NR1H4: variants seen among roughly 807,000 people sequenced by gnomAD.
The protein encoded by NR1H4 is nuclear receptor subfamily 1 group H member 4, also known as bile acid receptor.
NR1H4 carries 23 observed loss-of-function variants against 58.5 expected under a neutral mutation model. The ratio of observed to expected loss-of-function variants is 0.39; its 90% CI spans 0.28 to 0.56. NR1H4 has a LOEUF of 0.56. NR1H4 is among the 20% of genes least tolerant of loss of function. The pLI is 0.58. For missense variants in NR1H4, 487 were observed against 576.9 expected, an observed-to-expected ratio of 0.84 and a Z score of 1.60; for synonymous variants, 214 against 198.0, an observed-to-expected ratio of 1.08 and a Z score of -0.68.
rs1593109819 is a variant in NR1H4, at chr12:100,536,745, A to G, written c.831+135A>G. 4.4e-6 allele frequency: 3 copies of G among 684,816 alleles called. No homozygotes were observed. In the East Asian group the frequency reaches 8.1e-5, roughly 18 times the overall value. 42.4% of individuals were successfully genotyped at this position (684,816 alleles called of 1,614,324 possible). ...GCTGAGAATTCAAGTTAGACTTTTA[A>G]ACTCTCAGCAACATTAAACAATTCA... is the stretch of plus-strand genomic sequence containing the variant. On this transcript the variant is annotated intron_variant, in intron 7 of 10. Transcript: ENST00000392986.
At chr12:100,537,642 GA>G (rs934852369) in intron 8 of NR1H4, among the ~76,000 whole-genome samples, 2 of 152,220 alleles carry the variant, frequency 1.3e-5, no homozygotes, top group African/African-American at 4.8e-5. Context: ...GAGTCTAAAA[GA>G]AAAAGAAGTT....
intron 3 of NR1H4, among the ~76,000 whole-genome samples, chr12:100,508,730 A>G (rs1202827765): frequency 6.6e-6 from 1 of 152,202 alleles, no homozygotes; most frequent in East Asian, 1.9e-4. Flanking sequence ...AATAGTAATC[A>G]TAATAATTAT....
intron 9 of NR1H4, among the ~76,000 whole-genome samples, chr12:100,548,468 T>C (rs1220074164): frequency 6.6e-6 from 1 of 152,090 alleles, no homozygotes; most frequent in Non-Finnish European, 1.5e-5. Flanking sequence ...TTCTGACTCA[T>C]GTCATCTCTC....
chr12:100,495,031 C>T (rs1211397324), intron 3 of NR1H4, among the ~76,000 whole-genome samples: 1 of 152,072 alleles, frequency 6.6e-6, no homozygotes, highest in East Asian at 1.9e-4. Context: ...ATTTCAGCAG[C>T]CATAAGGTGA....
At chr12:100,517,080 C>T (rs1220862141) in intron 4 of NR1H4, among the ~76,000 whole-genome samples, 3 of 152,096 alleles carry the variant, frequency 2.0e-5, no homozygotes, top group Admixed American at 6.5e-5. Context: ...ATACACAGTA[C>T]ATTATTATTA....
At chr12:100,503,460 T>C (rs761917707) in intron 3 of NR1H4, 1 of 1,597,378 alleles carries the variant, frequency 6.3e-7, no homozygotes. Flanking sequence ...GCCGTCAGGA[T>C]TTTTCATGGA....
rs147194228 is a variant in NR1H4, at chr12:100,527,779, G to T, written c.446-4679G>T. Among the ~76,000 whole-genome samples, 984 of 152,188 alleles carry T rather than the reference G, an allele frequency of 6.5e-3. 10 individuals carry two copies. The highest frequency in any genetic ancestry group is 0.022 in the African/African-American group (897 of 41,514). On this transcript the variant is annotated intron_variant, in intron 4 of 10. Coordinates refer to ENST00000392986, the MANE Select transcript of NR1H4 (RefSeq NM_001206979.2). ...TTTTGTCCTTGCGATCGTTTGCTGA[G>T]AATGATGGTTTCCAGCTTCATCCAT... is the stretch of plus-strand genomic sequence containing the variant.
chr12:100,517,021 TTTC>T (rs1433523098), intron 4 of NR1H4, among the ~76,000 whole-genome samples: 1 of 152,180 alleles, frequency 6.6e-6, no homozygotes, highest in Non-Finnish European at 1.5e-5. Context: ...TAATTTATCA[TTTC>T]TTCATTATGA....
At chr12:100,546,083 C>A (rs1212509829) in intron 9 of NR1H4, among the ~76,000 whole-genome samples, 2 of 152,110 alleles carry the variant, frequency 1.3e-5, no homozygotes, top group African/African-American at 4.8e-5. Flanking sequence ...CCAGTTGAGA[C>A]AAGACTGGTG....
chr12:100,552,420 T>C (rs1237170669), intron 9 of NR1H4, among the ~76,000 whole-genome samples: 1 of 152,176 alleles, frequency 6.6e-6, no homozygotes. Flanking sequence ...AGTTTAGCAG[T>C]TGAAATAGAG....
chr12:100,554,738 G>T (rs908966571), intron 9 of NR1H4, among the ~76,000 whole-genome samples: 1 of 152,126 alleles, frequency 6.6e-6, no homozygotes, highest in Non-Finnish European at 1.5e-5. Flanking sequence ...TCATTCAAGC[G>T]AAAATGAAGC....
In NR1H4 at chr12:100,510,956, T is replaced by C. The variant is rs764897584; in HGVS notation, c.258T>C (p.Tyr86=). The change falls in exon 4 of 11, where the codon TAT becomes TAC. Residue 86 remains tyrosine (Y), a synonymous_variant. Transcript: ENST00000392986. ...AAGAGTGGTACTCTCCTGGAATATA[T>C]GAACTCAGGCGTATGCCAGCTGAGA... is the stretch of plus-strand genomic sequence containing the variant. ...QPEEWYSPGI[Y]ELRRMPAETL... 59 of 1,614,128 alleles carry C rather than the reference T, an allele frequency of 3.7e-5. No homozygotes were observed. The highest frequency in any genetic ancestry group is 4.6e-5 in the Non-Finnish European group (54 of 1,180,046).
intron 9 of NR1H4, among the ~76,000 whole-genome samples, chr12:100,544,871 T>C (rs1955022827): frequency 6.6e-6 from 1 of 152,304 alleles, no homozygotes; most frequent in South Asian, 2.1e-4. Flanking sequence ...GGAACAGATA[T>C]CTTTTTTGCA....
chr12:100,524,022 G>A (rs981337002), intron 4 of NR1H4, among the ~76,000 whole-genome samples: 1 of 152,146 alleles, frequency 6.6e-6, no homozygotes. Context: ...AAATGCAATG[G>A]TAATAAAATG....
intron 4 of NR1H4, among the ~76,000 whole-genome samples, chr12:100,527,136 C>T (rs77173092): frequency 0.012 from 1,776 of 152,282 alleles, 40 homozygotes; most frequent in African/African-American, 0.041. Context: ...GGGCTGGGCA[C>T]TTGCCATGCT....
chr12:100,534,565 A>C (rs1954770916), intron 5 of NR1H4, among the ~76,000 whole-genome samples: 1 of 152,250 alleles, frequency 6.6e-6, no homozygotes, highest in African/African-American at 2.4e-5. Flanking sequence ...TCATATCACA[A>C]GTTCTTTATA....
rs199965659 is a variant in NR1H4 at position 100,563,269 on chromosome 12, A to G, written c.1211A>G (p.Asp404Gly). The G allele has an allele frequency of 1.4e-4, 232 of 1,613,174 alleles. 3 individuals carry two copies. The highest frequency in any genetic ancestry group is 8.4e-5 in the Non-Finnish European group (99 of 1,179,092). Residue 404 changes from aspartate to glycine, a missense_variant, in exon 11 of 11, where the codon GAT becomes GGT. Physicochemically the swap from Asp to Gly is moderately conservative, Grantham distance 94. Transcript: ENST00000392986. Reference protein sequence around the residue: ...ILSPDRQYIKDREAVEKLQEP... With the variant: ...ILSPDRQYIKGREAVEKLQEP... ...AAAACAGATAGACAATACATAAAGG[A>G]TAGAGAGGCAGTAGAGAAGCTTCAG... is the stretch of plus-strand genomic sequence containing the variant.
intron 9 of NR1H4, among the ~76,000 whole-genome samples, chr12:100,558,481 C>T (rs188576931): frequency 6.6e-6 from 1 of 152,300 alleles, no homozygotes; most frequent in East Asian, 1.9e-4. Context: ...CCTCAGCCTC[C>T]TGAGTAGCTG....
At chr12:100,558,652 C>T (rs968365574) in intron 9 of NR1H4, among the ~76,000 whole-genome samples, 9 of 152,220 alleles carry the variant, frequency 5.9e-5, no homozygotes, top group East Asian at 1.9e-4. Flanking sequence ...AGCCACTGCA[C>T]CTGGTTAGAA....
Sources: allele counts gnomAD v4.1 joint callset (sites outside exome capture counted in the v4.1 genomes callset), GRCh38; gene constraint gnomAD v4.1.1; transcripts MANE v1.5; gene names NCBI Gene and HGNC (gene_info 2026-07-23, HGNC 2026-07-21).